KIAA1217: variants seen among roughly 807,000 people sequenced by gnomAD.
The protein encoded by KIAA1217 is KIAA1217, also known as sickle tail protein homolog.
KIAA1217 carries 88 observed loss-of-function variants against 163.9 expected under a neutral mutation model. The observed-to-expected ratio is 0.54, with a 90% confidence interval of 0.45 to 0.64. The LOEUF (loss-of-function observed/expected upper bound fraction) is 0.64, where lower values mean the gene tolerates loss of function less well. Among genes scored for constraint, KIAA1217 ranks in the 30% least tolerant of loss-of-function variants. The probability of loss-of-function intolerance (pLI) is 0.00; values close to 1 mark genes in which losing one functional copy is unlikely to be tolerated. For missense variants in KIAA1217, 2,372 were observed against 2,475.0 expected, an observed-to-expected ratio of 0.96 and a Z score of 0.88; for synonymous variants, 903 against 923.1, an observed-to-expected ratio of 0.98 and a Z score of 0.39.
chr10:24,505,143 G>T (rs1455832070), intron 9 of KIAA1217, among the ~76,000 whole-genome samples: 1 of 151,614 alleles, frequency 6.6e-6, no homozygotes, highest in Non-Finnish European at 1.5e-5. Flanking sequence ...TAATATGAAT[G>T]CTTAGTCCAT....
At chr10:23,834,426 C>T (rs1380549596) in intron 1 of KIAA1217, among the ~76,000 whole-genome samples, 3 of 152,148 alleles carry the variant, frequency 2.0e-5, no homozygotes, top group African/African-American at 7.2e-5. Context: ...CCAGTATATT[C>T]TAGGCATTAT....
chr10:24,014,503 C>T (rs1046243763), intron 2 of KIAA1217, among the ~76,000 whole-genome samples: 3 of 152,068 alleles, frequency 2.0e-5, no homozygotes, highest in Non-Finnish European at 4.4e-5. Context: ...GCTCCTCTAT[C>T]GTTAGTCTGT....
At chr10:24,015,572 G>A (rs1240384554) in intron 2 of KIAA1217, among the ~76,000 whole-genome samples, 1 of 151,786 alleles carries the variant, frequency 6.6e-6, no homozygotes, top group Non-Finnish European at 1.5e-5. Flanking sequence ...CCTGGCCAAC[G>A]TGGTAAAACC....
At chr10:23,857,303 T>C (rs1273604387) in intron 1 of KIAA1217, among the ~76,000 whole-genome samples, 2 of 152,214 alleles carry the variant, frequency 1.3e-5, no homozygotes, top group African/African-American at 2.4e-5. Context: ...TTGTCACCTC[T>C]TCTGAGCATC....
At chr10:24,138,331 T>C (rs2063914170) in intron 2 of KIAA1217, among the ~76,000 whole-genome samples, 1 of 152,128 alleles carries the variant, frequency 6.6e-6, no homozygotes, top group African/African-American at 2.4e-5. Context: ...GTTTATGTTT[T>C]AGAGATGGAG....
At chr10:24,013,856 A>C (rs1404473069) in intron 2 of KIAA1217, among the ~76,000 whole-genome samples, 1 of 152,136 alleles carries the variant, frequency 6.6e-6, no homozygotes, top group Admixed American at 6.5e-5. Flanking sequence ...AAGAAGCTGA[A>C]GAGAGGAAAC....
At chr10:23,877,639 A>G (rs915261948) in intron 1 of KIAA1217, 14 of 152,022 alleles carry the variant, frequency 9.2e-5, no homozygotes, top group African/African-American at 2.7e-4. Flanking sequence ...TGCCTGTCAG[A>G]TATGCACAAC....
intron 1 of KIAA1217, among the ~76,000 whole-genome samples, chr10:23,848,029 G>T (rs1040392000): frequency 1.3e-5 from 2 of 152,104 alleles, no homozygotes; most frequent in Non-Finnish European, 2.9e-5. Flanking sequence ...GTGCAGTTTT[G>T]AGTGAGTTTC....
At chr10:24,383,049 G>A (rs946839789) in intron 3 of KIAA1217, among the ~76,000 whole-genome samples, 1 of 151,840 alleles carries the variant, frequency 6.6e-6, no homozygotes, top group African/African-American at 2.4e-5. Flanking sequence ...GTCTCACTAT[G>A]TTGCCCAGGC....
chr10:23,863,972 C>T (rs1840065715), intron 1 of KIAA1217, among the ~76,000 whole-genome samples: 1 of 152,098 alleles, frequency 6.6e-6, no homozygotes, highest in Non-Finnish European at 1.5e-5. Context: ...AATGAAATGA[C>T]AGTAGGAATA....
rs181498203 is a variant in KIAA1217, at chr10:24,490,964, C to G, written c.1680-3536C>G. ...CTGGAGTGCATATAGCCCTTTTGTT[C>G]TAAAAGCACCCAGACTCTTATCCCA... is the stretch of plus-strand genomic sequence containing the variant. On this transcript the variant is annotated intron_variant, in intron 6 of 20. Coordinates refer to ENST00000376454, the MANE Select transcript of KIAA1217 (RefSeq NM_019590.5). Among the ~76,000 whole-genome samples the G allele has an allele frequency of 2.0e-4, 30 of 152,304 alleles. 1 individual carries two copies. Among genetic ancestry groups the G allele is most frequent in the Admixed American group, 1.8e-3 (27 of 15,302 alleles).
chr10:24,227,189 G>A (rs187140348), intron 2 of KIAA1217, among the ~76,000 whole-genome samples: 12 of 151,014 alleles, frequency 7.9e-5, no homozygotes, highest in South Asian at 4.2e-4. Context: ...ACAGAGTCTC[G>A]CTCTGTCACC....
At chr10:24,534,231 G>T (rs1020004400) in intron 16 of KIAA1217, among the ~76,000 whole-genome samples, 7 of 152,198 alleles carry the variant, frequency 4.6e-5, no homozygotes, top group South Asian at 4.1e-4. Context: ...CCTGGATTTT[G>T]CAGGGAAAAC....
At chr10:24,399,893 A>G (rs1370715087) in intron 3 of KIAA1217, among the ~76,000 whole-genome samples, 1 of 152,200 alleles carries the variant, frequency 6.6e-6, no homozygotes, top group Non-Finnish European at 1.5e-5. Flanking sequence ...CAAGTTTGAA[A>G]GCGATGAAAG....
intron 2 of KIAA1217, among the ~76,000 whole-genome samples, chr10:24,279,857 G>A (rs1037421168): frequency 1.4e-4 from 22 of 152,160 alleles, no homozygotes; most frequent in Non-Finnish European, 2.5e-4. Context: ...GTCGTTAAGA[G>A]GGTACAAGTT....
intron 17 of KIAA1217, among the ~76,000 whole-genome samples, chr10:24,540,511 T>C (rs968652749): frequency 5.9e-5 from 9 of 151,868 alleles, no homozygotes; most frequent in Non-Finnish European, 1.2e-4. Context: ...GGATTACAGG[T>C]GTGAGCCACC....
intron 3 of KIAA1217, among the ~76,000 whole-genome samples, chr10:24,402,226 G>A (rs2056604921): frequency 6.6e-6 from 1 of 152,158 alleles, no homozygotes; most frequent in Non-Finnish European, 1.5e-5. Flanking sequence ...CAAACGAGTG[G>A]TCAGGCGCAG....
At chr10:23,948,297 T>C (rs1351969761) in intron 1 of KIAA1217, among the ~76,000 whole-genome samples, 1 of 152,196 alleles carries the variant, frequency 6.6e-6, no homozygotes, top group East Asian at 1.9e-4. Context: ...TAATGTGTAT[T>C]CAAAGCAGTT....
Position 24,520,269 on chromosome 10 carries a change from G to C in KIAA1217, c.2308+16G>C. The C allele has an allele frequency of 6.2e-7, 1 of 1,613,766 alleles. No homozygotes were observed. The highest frequency in any genetic ancestry group is 8.5e-7 in the Non-Finnish European group (1 of 1,179,788). On this transcript the variant is annotated intron_variant, in intron 11 of 20. Transcript: ENST00000376454. The stretch of plus-strand genomic sequence containing the variant: ...ACCCTGAAAGGTAAACTTTCTGCTG[G>C]GTCGGGGGAGGAGTCTGAGCTGTCT...
Sources: allele counts gnomAD v4.1 joint callset (sites outside exome capture counted in the v4.1 genomes callset), GRCh38; gene constraint gnomAD v4.1.1; transcripts MANE v1.5; gene names NCBI Gene and HGNC (gene_info 2026-07-23, HGNC 2026-07-21).